Variants in CDH4 observed in about 807,000 individuals in gnomAD.
CDH4 encodes the protein cadherin-4.
CDH4 carries 33 observed loss-of-function variants against 86.0 expected under a neutral mutation model. The observed-to-expected ratio is 0.38, with a 90% CI of 0.29 to 0.51. The LOEUF (loss-of-function observed/expected upper bound fraction) is 0.51. CDH4 is among the 20% of genes least tolerant of loss of function. CDH4 has a pLI of 0.86. For missense variants in CDH4, 1,114 were observed against 1,307.4 expected (o/e 0.85, Z 2.28); for synonymous variants, 555 against 549.4 (o/e 1.01, Z -0.14).
intron 2 of CDH4, among the ~76,000 whole-genome samples, chr20:61,406,097 G>A (rs1322165509): frequency 6.6e-6 from 1 of 152,024 alleles, no homozygotes; most frequent in African/African-American, 2.4e-5. Context: ...TCTTTATTGG[G>A]AGCAAAGACC....
intron 3 of CDH4, among the ~76,000 whole-genome samples, chr20:61,756,759 T>A (rs1328007730): frequency 6.6e-6 from 1 of 152,062 alleles, no homozygotes; most frequent in Non-Finnish European, 1.5e-5. Context: ...CCTGGACACC[T>A]GAGCATTTGA....
chr20:61,853,824 T>G (rs1982856593), intron 6 of CDH4, among the ~76,000 whole-genome samples: 1 of 152,118 alleles, frequency 6.6e-6, no homozygotes, highest in Non-Finnish European at 1.5e-5. Flanking sequence ...GCCTCCTGCA[T>G]GGGGGGTGGA....
chr20:61,700,760 C>G (rs757266829), intron 2 of CDH4, among the ~76,000 whole-genome samples: 6 of 152,112 alleles, frequency 3.9e-5, no homozygotes, highest in Non-Finnish European at 7.4e-5. Context: ...TTCTTCATGT[C>G]TTCTTCATGT....
rs1314968019 is a variant in CDH4, at chr20:61,399,278, G to C, written c.169+144341G>C. Among the ~76,000 whole-genome samples the C allele has an allele frequency of 3.7e-5, 4 of 107,648 alleles. 1 individual carries two copies. The highest frequency in any genetic ancestry group is 1.6e-4 in the African/African-American group (4 of 24,444). 70.6% of individuals were successfully genotyped at this position (107,648 alleles called of 152,430 possible). On this transcript the variant is annotated intron_variant, in intron 2 of 15. Transcript: ENST00000614565. ...CTCCCGAGTAGCTGGGACTACAGGCGCCCGCCACCATGCCCGGCTAATTTT... is the reference window on the plus strand; with the variant it reads ...CTCCCGAGTAGCTGGGACTACAGGCCCCCGCCACCATGCCCGGCTAATTTT...
intron 3 of CDH4, among the ~76,000 whole-genome samples, chr20:61,752,686 G>A (rs1465188795): frequency 1.3e-5 from 2 of 152,166 alleles, no homozygotes; most frequent in Admixed American, 1.3e-4. Context: ...ATATTATACG[G>A]CAGTAAAAGT....
chr20:61,656,109 A>G (rs1244214111), intron 2 of CDH4, among the ~76,000 whole-genome samples: 2 of 152,160 alleles, frequency 1.3e-5, no homozygotes, highest in Non-Finnish European at 1.5e-5. Flanking sequence ...GTGGTTGAAG[A>G]CTGGCTGGAG....
At chr20:61,259,765 A>T (rs1001152678) in intron 2 of CDH4, among the ~76,000 whole-genome samples, 1 of 152,166 alleles carries the variant, frequency 6.6e-6, no homozygotes, top group Non-Finnish European at 1.5e-5. Flanking sequence ...ATTTACACCA[A>T]TGTGGCAATG....
intron 2 of CDH4, among the ~76,000 whole-genome samples, chr20:61,520,757 C>T (rs1199624811): frequency 1.3e-5 from 2 of 152,222 alleles, no homozygotes; most frequent in Non-Finnish European, 2.9e-5. Flanking sequence ...ATCCTGAAGA[C>T]TTAACAACCC....
Position 61,637,264 on chromosome 20 carries a change from G to A in CDH4, c.170-106299G>A, listed in dbSNP as rs530750776. Reference sequence around the variant, plus strand: ...ATGCGCGTGTGTGTCTGACTCTGCCGTTTATCACACGGGTGTATCTGTTTA... The same window carrying A: ...ATGCGCGTGTGTGTCTGACTCTGCCATTTATCACACGGGTGTATCTGTTTA... On this transcript the variant is annotated intron_variant, in intron 2 of 15. Transcript: ENST00000614565. 3.9e-5 allele frequency among the ~76,000 whole-genome samples: 6 copies of A among 152,300 alleles called. No homozygotes were observed. The East Asian group carries it at 9.6e-4, about 24-fold the overall frequency.
chr20:61,636,719 G>A (rs376490811), intron 2 of CDH4, among the ~76,000 whole-genome samples: 1 of 152,194 alleles, frequency 6.6e-6, no homozygotes, highest in African/African-American at 2.4e-5. Flanking sequence ...AGAGTTCCAC[G>A]CCCTCCCCTG....
At chr20:61,932,400 G>C (rs1159835855) in intron 13 of CDH4, among the ~76,000 whole-genome samples, 1 of 152,226 alleles carries the variant, frequency 6.6e-6, no homozygotes, top group African/African-American at 2.4e-5. Context: ...GGAAACTCAT[G>C]CACACGCACA....
intron 2 of CDH4, among the ~76,000 whole-genome samples, chr20:61,643,646 C>G (rs2427220): frequency 0.55 from 83,272 of 152,090 alleles, 23,009 homozygotes; most frequent in East Asian, 0.71. Context: ...CTCTTGAGAC[C>G]TCAGGACTCC....
intron 2 of CDH4, among the ~76,000 whole-genome samples, chr20:61,734,457 G>A (rs1029610739): frequency 6.6e-6 from 1 of 152,240 alleles, no homozygotes; most frequent in Non-Finnish European, 1.5e-5. Context: ...CCGTGGCAGT[G>A]CGCTTGTGAC....
At chr20:61,712,552 C>G (rs2087904936) in intron 2 of CDH4, among the ~76,000 whole-genome samples, 3 of 152,180 alleles carry the variant, frequency 2.0e-5, no homozygotes, top group Non-Finnish European at 4.4e-5. Flanking sequence ...TCCCCAACCT[C>G]TCCTCCCCTC....
At chr20:61,831,978 C>T (rs1204833260) in intron 4 of CDH4, among the ~76,000 whole-genome samples, 3 of 151,988 alleles carry the variant, frequency 2.0e-5, no homozygotes, top group Non-Finnish European at 4.4e-5. Context: ...TGCCTGCATC[C>T]ACTTCCTCCT....
rs1984209898 is a variant in CDH4 at position 61,879,999 on chromosome 20, C to CA, written c.1050+6100dup. Among the ~76,000 whole-genome samples, 1 of 152,184 alleles carries CA rather than the reference C, an allele frequency of 6.6e-6. No individual in the cohort carries two copies. The highest frequency in any genetic ancestry group is 1.5e-5 in the Non-Finnish European group (1 of 68,042). On this transcript the variant is annotated intron_variant, in intron 7 of 15. Transcript: ENST00000614565. The surrounding 1 kb of genome is among the most constrained non-coding windows in gnomAD (Gnocchi z 4.1). Reference sequence around the variant, plus strand: ...AGGATTCTGGGGAAAGCAAAACCCACACCTCCCCGAACGTCTTCAAGACCC... The same window carrying CA: ...AGGATTCTGGGGAAAGCAAAACCCACAACCTCCCCGAACGTCTTCAAGACCC...
At chr20:61,856,733 G>C (rs1163349808) in intron 6 of CDH4, among the ~76,000 whole-genome samples, 1 of 152,246 alleles carries the variant, frequency 6.6e-6, no homozygotes, top group Non-Finnish European at 1.5e-5. Flanking sequence ...GACCTGCCCT[G>C]CTGGGCTCAG....
chr20:61,332,565 C>G (rs1301697541), intron 2 of CDH4, among the ~76,000 whole-genome samples: 1 of 152,262 alleles, frequency 6.6e-6, no homozygotes, highest in Non-Finnish European at 1.5e-5. Context: ...CTGCCCCACC[C>G]TGGGCAGCAG....
chr20:61,769,626 A>T (rs937011892), intron 3 of CDH4, among the ~76,000 whole-genome samples: 1 of 152,172 alleles, frequency 6.6e-6, no homozygotes, highest in Non-Finnish European at 1.5e-5. Context: ...AACGGGCTGC[A>T]TGGGCTTCAT....
Sources: gnomAD v4.1 joint callset for allele counts (sites outside exome capture counted in the v4.1 genomes callset) on GRCh38, gnomAD v4.1.1 for gene constraint, Gnocchi (gnomAD v3.1) non-coding constraint, MANE v1.5 for transcripts, NCBI Gene and HGNC (gene_info 2026-07-23, HGNC 2026-07-21) for gene names.